The following LAMA1 variants were observed in gnomAD, a reference collection of about 807,000 sequenced individuals.
The protein encoded by LAMA1 is laminin subunit alpha-1.
In LAMA1, 219 loss-of-function variants were observed where a neutral mutation model predicts 348.7. The ratio of observed to expected loss-of-function variants is 0.63; its 90% CI spans 0.56 to 0.70. LAMA1 has a LOEUF of 0.70. LAMA1 is among the 30% of genes least tolerant of loss of function. LAMA1 has a pLI of 0.00. For synonymous variants in LAMA1, 1,487 were observed against 1,491.0 expected (o/e 1.00, Z 0.06); for missense variants, 3,744 against 3,888.0 (o/e 0.96, Z 0.99).
At chr18:6,986,076 C>T in intron 37 of LAMA1, 61 bp downstream of exon 37, 1 of 1,587,630 alleles carries the variant, frequency 6.3e-7, no homozygotes, top group Non-Finnish European at 8.6e-7. Context: ...CTTTTAATTG[C>T]TTACGTTGGA....
Position 6,997,213 on chromosome 18 carries a change from G to A in LAMA1, c.4806+529C>T, listed in dbSNP as rs139535291. On this transcript the variant is annotated intron_variant, in intron 33 of 62. Coordinates refer to ENST00000389658, the MANE Select transcript of LAMA1 (RefSeq NM_005559.4). ...CAGGTAGCTGGGACTACAGGCACGCGCCACCACATCCAGCTAATTTTTGTA... is the reference window on the plus strand; with the variant it reads ...CAGGTAGCTGGGACTACAGGCACGCACCACCACATCCAGCTAATTTTTGTA... Among the ~76,000 whole-genome samples the A allele has an allele frequency of 6.8e-3, 1,033 of 152,092 alleles. 17 individuals are homozygous for A. Among genetic ancestry groups the A allele is most frequent in the African/African-American group, 0.023 (969 of 41,496 alleles).
At chr18:6,953,753 C>T (rs2057561163) in intron 57 of LAMA1, 1 of 152,232 alleles carries the variant, frequency 6.6e-6, no homozygotes, top group Admixed American at 6.5e-5. Context: ...ATCTTTGTGT[C>T]AACCTCCAGC....
intron 39 of LAMA1, among the ~76,000 whole-genome samples, chr18:6,983,551 C>T (rs1333841822): frequency 2.0e-5 from 3 of 152,200 alleles, no homozygotes; most frequent in Non-Finnish European, 4.4e-5. Context: ...AATCTCTGTT[C>T]CAATCCCCTG....
intron 1 of LAMA1, among the ~76,000 whole-genome samples, chr18:7,104,039 G>C (rs982816821): frequency 1.3e-5 from 2 of 152,154 alleles, no homozygotes; most frequent in Admixed American, 1.3e-4. Flanking sequence ...GAGTGCAGTG[G>C]CACCATGTCA....
Position 6,986,123 on chromosome 18 carries a change from C to T in LAMA1, c.5379+14G>A. On this transcript the variant is annotated intron_variant, in intron 37 of 62. Coordinates refer to ENST00000389658, the MANE Select transcript of LAMA1 (RefSeq NM_005559.4). ...CCTGTTCTAATTGAGAAGGAGAGAGCAAGTGAGACTCACACTGAATTCTCT... is the reference window on the plus strand; with the variant it reads ...CCTGTTCTAATTGAGAAGGAGAGAGTAAGTGAGACTCACACTGAATTCTCT... The T allele has an allele frequency of 1.2e-6, 2 of 1,613,614 alleles. No homozygotes were observed. The highest frequency in any genetic ancestry group is 2.2e-5 in the East Asian group (1 of 44,886).
At chr18:7,106,145 C>T (rs1172715305) in intron 1 of LAMA1, among the ~76,000 whole-genome samples, 13 of 152,080 alleles carry the variant, frequency 8.5e-5, no homozygotes, top group Admixed American at 7.2e-4. Context: ...AGTTGGGACC[C>T]GAGTATTCCA....
At chr18:6,986,526 G>A (rs1306612711) in intron 36 of LAMA1, among the ~76,000 whole-genome samples, 179 bp from the exon 37 acceptor site, 2 of 147,796 alleles carry the variant, frequency 1.4e-5, no homozygotes, top group East Asian at 4.1e-4. Flanking sequence ...AGGTATGGCA[G>A]GTTTATATTT....
At chr18:6,956,537 C>T (rs1418218171) in intron 56 of LAMA1, 99 bp downstream of exon 56, 10 of 1,564,772 alleles carry the variant, frequency 6.4e-6, no homozygotes, top group South Asian at 4.4e-5. Flanking sequence ...CTCCAGCTTT[C>T]GCAGGCACCT....
intron 18 of LAMA1, among the ~76,000 whole-genome samples, chr18:7,023,834 GT>G (rs1280668714): frequency 1.3e-5 from 2 of 152,054 alleles, no homozygotes; most frequent in Non-Finnish European, 2.9e-5. Context: ...GCTTCCTATT[GT>G]TTTTGTTTTG....
intron 22 of LAMA1, 112 bp from the exon 23 acceptor site, chr18:7,014,163 C>G: frequency 3.5e-6 from 3 of 855,710 alleles, no homozygotes; most frequent in Non-Finnish European, 5.8e-6. Flanking sequence ...ACAAATGAAC[C>G]ATCTCTCTCT....
chr18:6,956,799 G>A (rs1357966039), intron 55 of LAMA1, 34 bp from the exon 56 acceptor site: 2 of 1,613,104 alleles, frequency 1.2e-6, no homozygotes, highest in Non-Finnish European at 1.7e-6. Context: ...TTCAAAATTA[G>A]GATATCACAA....
At chr18:7,039,062 C>A (rs1475536071) in intron 10 of LAMA1, 112 bp from the exon 11 acceptor site, 2 of 881,910 alleles carry the variant, frequency 2.3e-6, no homozygotes, top group Middle Eastern at 2.2e-4. Context: ...GGTGAATAAA[C>A]GTCCAAAGTA....
chr18:7,010,226 G>C lies in LAMA1; in HGVS notation c.3847C>G (p.Gln1283Glu), dbSNP rs1430368055. Residue 1283 changes from glutamine to glutamate, a missense_variant, in exon 26 of 63, where the codon CAG (glutamine) becomes GAG (glutamate). Physicochemically the swap from Gln to Glu is conservative, Grantham distance 29. This residue lies in a region of LAMA1 where 1,529 missense variants were observed against 1,689.4 expected (regional missense o/e 0.91). Coordinates refer to ENST00000389658, the MANE Select transcript of LAMA1 (RefSeq NM_005559.4). ...DAPAPENGVR[Q>E]EQEVAMRENF... ...TCTCTCATTGCTACTTCTTGTTCCT[G>C]TCTCACTCCATTCTCTGGGGCTGGT... The C allele has an allele frequency of 6.2e-7, 1 of 1,614,096 alleles. No homozygotes were observed. The highest frequency in any genetic ancestry group is 2.2e-5 in the East Asian group (1 of 44,864).
chr18:7,105,388 G>A (rs536782887), intron 1 of LAMA1, among the ~76,000 whole-genome samples: 1 of 152,010 alleles, frequency 6.6e-6, no homozygotes, highest in Non-Finnish European at 1.5e-5. Context: ...GCAGTGAGCT[G>A]AGATCGCACC....
chr18:6,961,700 C>T lies in LAMA1; in HGVS notation c.7512G>A (p.Leu2504=). ...TTACCAGCCATTCTGATTCTGGTGA[C>T]AAAGATTTGGGTGGCAATTCAATGT... ...GGYIELPPKS[L]SPESEWLVTF... The change falls in exon 53 of 63, where the codon TTG becomes TTA. Residue 2504 remains leucine (L), a synonymous_variant. Coordinates refer to ENST00000389658, the MANE Select transcript of LAMA1 (RefSeq NM_005559.4). 1 of 1,614,074 alleles carries T rather than the reference C, an allele frequency of 6.2e-7. No individual in the cohort carries two copies. Among genetic ancestry groups the T allele is most frequent in the Non-Finnish European group, 8.5e-7 (1 of 1,180,006 alleles).
intron 3 of LAMA1, among the ~76,000 whole-genome samples, chr18:7,074,967 CAAAAAAAAAAAAAAAAAAAAAAAAA>C (rs773818069): frequency 0.033 from 1,745 of 52,314 alleles, 51 homozygotes; most frequent in Non-Finnish European, 0.038. Flanking sequence ...TACATAGAGG[CAAAAAAAAAAAAAAAAAAAAAAAAA>C]AAAAAAAAAA....
chr18:7,069,667 G>A (rs2058137987), intron 3 of LAMA1, among the ~76,000 whole-genome samples: 1 of 152,178 alleles, frequency 6.6e-6, no homozygotes, highest in Non-Finnish European at 1.5e-5. Context: ...AAGTCGCCAT[G>A]CTGTGAGGAA....
chr18:7,016,702 C>G (rs374406460), intron 20 of LAMA1, 31 bp from the exon 21 acceptor site: 1 of 1,582,146 alleles, frequency 6.3e-7, no homozygotes, highest in Non-Finnish European at 8.6e-7. Flanking sequence ...AAAGTGGAAA[C>G]CAACATACGT....
intron 19 of LAMA1, among the ~76,000 whole-genome samples, chr18:7,018,119 T>C (rs1161066497): frequency 6.6e-6 from 1 of 152,002 alleles, no homozygotes; most frequent in Non-Finnish European, 1.5e-5. Context: ...GCGGATCACC[T>C]GAGATCAGGC....
Sources: gnomAD v4.1 joint callset for allele counts (sites outside exome capture counted in the v4.1 genomes callset) on GRCh38, gnomAD v4.1.1 for gene constraint, gnomAD v4.1.1 regional missense constraint, MANE v1.5 for transcripts, NCBI Gene and HGNC (gene_info 2026-07-23, HGNC 2026-07-21) for gene names.